The following ARHGAP35 variants were observed in gnomAD, a reference collection of about 807,000 sequenced individuals.
ARHGAP35 encodes rho GTPase-activating protein 35.
In ARHGAP35, 15 loss-of-function variants were observed where a neutral mutation model predicts 111.1. The observed-to-expected ratio is 0.13, with a 90% CI of 0.09 to 0.21. The LOEUF (loss-of-function observed/expected upper bound fraction) is 0.21, where lower values mean the gene tolerates loss of function less well. ARHGAP35 is among the 10% of genes least tolerant of loss of function. The pLI, the probability that ARHGAP35 is intolerant of heterozygous loss-of-function variation, is 1.00. For synonymous variants in ARHGAP35, 643 were observed against 710.3 expected (o/e 0.91, Z 1.51); for missense variants, 1,262 against 1,873.0 (o/e 0.67, Z 6.02).
rs1181755292 is a variant in ARHGAP35, at chr19:46,963,563, C to T, written c.3827-24426C>T. Among the ~76,000 whole-genome samples the T allele has an allele frequency of 2.0e-5, 3 of 152,180 alleles. 1 individual carries two copies. Among genetic ancestry groups the T allele is most frequent in the Admixed American group, 6.5e-5 (1 of 15,278 alleles). On this transcript the variant is annotated intron_variant, in intron 3 of 6. Transcript: ENST00000672722. ...CCATCCTTGTTGGAGCTGACTTTGC[C>T]GTCCCTCCTGTGGACATCCATGCCA...
intron 1 of ARHGAP35, among the ~76,000 whole-genome samples, chr19:46,912,525 T>C (rs1171802768): frequency 1.3e-5 from 2 of 152,012 alleles, no homozygotes; most frequent in South Asian, 2.1e-4. Context: ...AGCTAATTTT[T>C]TGTATTTTTT....
At chr19:46,904,027 TG>T (rs2056093670) in intron 1 of ARHGAP35, among the ~76,000 whole-genome samples, 1 of 152,150 alleles carries the variant, frequency 6.6e-6, no homozygotes, top group Non-Finnish European at 1.5e-5. Flanking sequence ...CTTTAATAAA[TG>T]GGACTGGCTG....
chr19:46,889,686 G>C (rs1436951673), intron 1 of ARHGAP35, among the ~76,000 whole-genome samples: 2 of 146,290 alleles, frequency 1.4e-5, no homozygotes, highest in African/African-American at 5.1e-5. Context: ...GCCATTCGGA[G>C]CTTGCAGTGA....
intron 1 of ARHGAP35, among the ~76,000 whole-genome samples, chr19:46,883,170 C>T (rs1027806327): frequency 2.0e-5 from 3 of 152,066 alleles, no homozygotes; most frequent in African/African-American, 7.2e-5. Flanking sequence ...TCTCGGCTCA[C>T]TGCAACCTCC....
chr19:46,978,620 G>A (rs558301232), intron 3 of ARHGAP35, among the ~76,000 whole-genome samples: 2 of 138,898 alleles, frequency 1.4e-5, no homozygotes, highest in East Asian at 4.4e-4. Flanking sequence ...GGTGTGTGTG[G>A]TAGGGCTGTG....
intron 1 of ARHGAP35, among the ~76,000 whole-genome samples, chr19:46,869,943 CTTT>C (rs746775975): frequency 1.6e-4 from 18 of 111,124 alleles, no homozygotes; most frequent in Non-Finnish European, 2.2e-4. Context: ...TCACTGTGTA[CTTT>C]TTTTTTTTTT....
chr19:46,993,484 G>A lies in ARHGAP35; in HGVS notation c.4036+3809G>A, dbSNP rs1309363515. Among the ~76,000 whole-genome samples the A allele has an allele frequency of 2.0e-5, 3 of 152,212 alleles. No homozygotes were observed. The highest frequency in any genetic ancestry group is 7.2e-5 in the African/African-American group (3 of 41,450). Reference sequence around the variant, plus strand: ...GGAACAGGGTCTCTGCCGCCACTTTGTTTGACCTTGGACCGGTATTCTGGC... The same window carrying A: ...GGAACAGGGTCTCTGCCGCCACTTTATTTGACCTTGGACCGGTATTCTGGC... On this transcript the variant is annotated intron_variant, in intron 5 of 6. Coordinates refer to ENST00000672722, the MANE Select transcript of ARHGAP35 (RefSeq NM_004491.5). The surrounding 1 kb of genome is among the most constrained non-coding windows in gnomAD (Gnocchi z 4.6).
intron 2 of ARHGAP35, among the ~76,000 whole-genome samples, chr19:46,930,088 C>T (rs2056263847): frequency 6.6e-6 from 1 of 151,854 alleles, no homozygotes; most frequent in African/African-American, 2.4e-5. Context: ...TTAAAAAGGC[C>T]AGACATGGTG....
At chr19:46,891,389 G>T (rs2056022675) in intron 1 of ARHGAP35, among the ~76,000 whole-genome samples, 1 of 151,038 alleles carries the variant, frequency 6.6e-6, no homozygotes, top group Non-Finnish European at 1.5e-5. Flanking sequence ...TCTCATTTTT[G>T]GCCACTTTTC....
chr19:46,906,282 G>A (rs1023062975), intron 1 of ARHGAP35, among the ~76,000 whole-genome samples: 17 of 152,132 alleles, frequency 1.1e-4, no homozygotes, highest in Admixed American at 1.3e-4. Flanking sequence ...GTACTCCAGC[G>A]TGGGTGACAG....
chr19:46,896,830 T>C (rs1396283583), intron 1 of ARHGAP35, among the ~76,000 whole-genome samples: 1 of 152,168 alleles, frequency 6.6e-6, no homozygotes, highest in African/African-American at 2.4e-5. Context: ...ATGGTAAGGT[T>C]TTTAGAAGTA....
Position 47,001,282 on chromosome 19 carries a change from C to G in ARHGAP35, c.*594C>G. Reference sequence around the variant, plus strand: ...AGAACAACGGAGGATAGCTTTGTGCCTGGACCCAGAGAGTGTGGGACTCCC... The same window carrying G: ...AGAACAACGGAGGATAGCTTTGTGCGTGGACCCAGAGAGTGTGGGACTCCC... On this transcript the variant is annotated 3_prime_UTR_variant, in exon 7 of 7. Coordinates refer to ENST00000672722, the MANE Select transcript of ARHGAP35 (RefSeq NM_004491.5). This position sits in a 1 kb window ranked among gnomAD's most constrained non-coding sequence, Gnocchi z 5.4. 7.7e-7 allele frequency: 1 copy of G among 1,290,408 alleles called. No individual in the cohort carries two copies. The highest frequency in any genetic ancestry group is 1.0e-6 in the Non-Finnish European group (1 of 989,428). 79.9% of individuals were successfully genotyped at this position (1,290,408 alleles called of 1,614,324 possible). A position where few individuals can be genotyped will look rare whatever the true frequency, so the allele number is the denominator to read the frequency against.
chr19:46,958,594 CT>C lies in ARHGAP35; in HGVS notation c.3826+21187del, dbSNP rs2056456543. ...ACATCTGGAACTGGCCATCGGAGAG[CT>C]GCTCCAGGCAGTTGCTCTCTGTTGC... On this transcript the variant is annotated intron_variant, in intron 3 of 6. Coordinates refer to ENST00000672722, the MANE Select transcript of ARHGAP35 (RefSeq NM_004491.5). Among the ~76,000 whole-genome samples, 3 of 152,300 alleles carry C rather than the reference CT, an allele frequency of 2.0e-5. No homozygotes were observed. In the South Asian group the frequency reaches 6.2e-4, roughly 32 times the overall value.
intron 3 of ARHGAP35, among the ~76,000 whole-genome samples, chr19:46,941,259 T>C (rs2056345282): frequency 6.6e-6 from 1 of 152,154 alleles, no homozygotes; most frequent in Non-Finnish European, 1.5e-5. Flanking sequence ...GTGGAACTTA[T>C]CCTTATTCTT....
At chr19:46,917,945 C>G (rs944044278) in intron 1 of ARHGAP35, among the ~76,000 whole-genome samples, 1 of 152,160 alleles carries the variant, frequency 6.6e-6, no homozygotes, top group Non-Finnish European at 1.5e-5. Context: ...AACTCCTGAC[C>G]TCAGGTGATC....
At chr19:46,946,813 T>C in intron 3 of ARHGAP35, 1 of 152,354 alleles carries the variant, frequency 6.6e-6, no homozygotes, top group African/African-American at 2.4e-5. Context: ...ACTCCTGACC[T>C]CAAGCGATCC....
chr19:46,916,124 C>T (rs1370981170), intron 1 of ARHGAP35, among the ~76,000 whole-genome samples: 2 of 151,838 alleles, frequency 1.3e-5, no homozygotes, highest in South Asian at 2.1e-4. Context: ...TCAGTGGAGA[C>T]GGGGTTTCAC....
At chr19:46,975,368 G>A (rs2056574213) in intron 3 of ARHGAP35, among the ~76,000 whole-genome samples, 1 of 152,178 alleles carries the variant, frequency 6.6e-6, no homozygotes, top group Non-Finnish European at 1.5e-5. Context: ...AGGGTGCGCA[G>A]GAGAGGAGGC....
rs185334077 is a variant in ARHGAP35, at chr19:46,912,778, T to G, written c.-188-5710T>G. ...ATGGAAAGTGCTTCCTACATAGATA[T>G]ATTTCTTGTTCCACCCCTCCCACCC... On this transcript the variant is annotated intron_variant, in intron 1 of 6. Transcript: ENST00000672722. 1.8e-3 allele frequency among the ~76,000 whole-genome samples: 279 copies of G among 152,210 alleles called. 2 individuals carry two copies. The highest frequency in any genetic ancestry group is 6.5e-3 in the African/African-American group (268 of 41,540).
Sources: gnomAD v4.1 joint callset for allele counts (sites outside exome capture counted in the v4.1 genomes callset) on GRCh38, gnomAD v4.1.1 for gene constraint, Gnocchi (gnomAD v3.1) non-coding constraint, MANE v1.5 for transcripts, NCBI Gene and HGNC (gene_info 2026-07-23, HGNC 2026-07-21) for gene names.